Variants in RAB3D observed in about 807,000 individuals in gnomAD.
RAB3D encodes the protein ras-related protein Rab-3D.
Under a neutral mutation model 19.3 loss-of-function variants are expected in RAB3D, and 17 were observed. The ratio of observed to expected loss-of-function variants is 0.88; its 90% CI spans 0.60 to 1.32. The LOEUF (loss-of-function observed/expected upper bound fraction) is 1.32, where lower values mean the gene tolerates loss of function less well. RAB3D is among the 40% of genes most tolerant of loss of function. RAB3D has a pLI of 0.00. For synonymous variants in RAB3D, 103 were observed against 119.9 expected, an observed-to-expected ratio of 0.86 and a Z score of 0.92; for missense variants, 223 against 299.1, an observed-to-expected ratio of 0.75 and a Z score of 1.88.
Position 11,335,445 on chromosome 19 carries a change from AC to A in RAB3D, c.472+1del. 1.2e-6 allele frequency: 2 copies of A among 1,614,042 alleles called. No individual in the cohort carries two copies. Among genetic ancestry groups the A allele is most frequent in the Non-Finnish European group, 8.5e-7 (1 of 1,179,984 alleles). ...GGCCTGTGGCCCAGGCTGGGCACTA[AC>A]CAAGGTCGTCGGCGAGCCTCCGGCC... On this transcript the variant is annotated splice_donor_variant, in intron 4 of 4. Transcript: ENST00000222120. LOFTEE classifies it high-confidence loss of function.
chr19:11,327,735 C>G (rs897579932), intron 4 of RAB3D, among the ~76,000 whole-genome samples: 1 of 152,084 alleles, frequency 6.6e-6, no homozygotes, highest in Non-Finnish European at 1.5e-5. Context: ...GTGGTATGCG[C>G]CTGTAATCCC....
chr19:11,334,793 C>T lies in RAB3D; in HGVS notation c.472+654G>A, dbSNP rs537890666. Among the ~76,000 whole-genome samples the T allele has an allele frequency of 1.8e-3, 271 of 152,134 alleles. 1 individual carries two copies. The highest frequency in any genetic ancestry group is 6.2e-3 in the African/African-American group (259 of 41,512). ...TAAAAAATTAGCTGGGCATGTGGCA[C>T]GCGCCAGTAGTACCAGCTACTTGGG... On this transcript the variant is annotated intron_variant, in intron 4 of 4. Transcript: ENST00000222120.
At position 11,323,353 on chromosome 19, in the gene RAB3D, G is replaced by A. The variant is rs933606664; in HGVS notation, c.*2045C>T. 1.3e-5 allele frequency: 2 copies of A among 152,174 alleles called. No individual in the cohort carries two copies. Among genetic ancestry groups the A allele is most frequent in the South Asian group, 4.1e-4 (2 of 4,832 alleles). The allele number at this position is 152,174 out of a possible 1,614,324, so 9.4% of individuals were successfully genotyped here. On this transcript the variant is annotated 3_prime_UTR_variant, in exon 5 of 5. Coordinates refer to ENST00000222120, the MANE Select transcript of RAB3D (RefSeq NM_004283.4). Reference sequence around the variant, plus strand: ...TCACGCCTGTAATCCCAGCACTTTGGGAGGCCGAAGCAAGTGGATCACTTG... The same window carrying A: ...TCACGCCTGTAATCCCAGCACTTTGAGAGGCCGAAGCAAGTGGATCACTTG...
At chr19:11,326,775 T>C (rs1196596112) in intron 4 of RAB3D, 5 of 696,000 alleles carry the variant, frequency 7.2e-6, no homozygotes, top group South Asian at 6.0e-5. Context: ...GGCTAATTTT[T>C]CAATTTTTTC....
In RAB3D at chr19:11,325,173, CCATG is replaced by C. The variant is rs936118477; in HGVS notation, c.*221_*224del. ...GTCAGTGTCCCTGGGCCTCTGCCTG[CCATG>C]CAGAGCTGAGTCCCCATGGTCCGCA... On this transcript the variant is annotated 3_prime_UTR_variant, in exon 5 of 5. Transcript: ENST00000222120. 4 of 493,026 alleles carry C rather than the reference CCATG, an allele frequency of 8.1e-6. No homozygotes were observed. Among genetic ancestry groups the C allele is most frequent in the Admixed American group, 6.7e-5 (2 of 29,830 alleles). 30.5% of individuals were successfully genotyped at this position (493,026 alleles called of 1,614,324 possible).
intron 2 of RAB3D, 30 bp from the exon 3 acceptor site, chr19:11,335,813 G>T: frequency 6.3e-7 from 1 of 1,593,348 alleles, no homozygotes; most frequent in Non-Finnish European, 8.6e-7. Flanking sequence ...AGTTGGCTGG[G>T]AACTACCTGT....
At position 11,325,580 on chromosome 19, in the gene RAB3D, C is replaced by T. The variant is rs771796812; in HGVS notation, c.478G>A (p.Glu160Lys). 1.1e-5 allele frequency: 18 copies of T among 1,607,350 alleles called. No individual in the cohort carries two copies. Among genetic ancestry groups the T allele is most frequent in the South Asian group, 1.1e-5 (1 of 90,930 alleles). ...GRRLADDLGF[E>K]FFEASAKENI... ...TCCTTGGCACTGGCTTCAAAGAACTCGAAACCTGGATGAATGTTAAGGTGG... is the reference window on the plus strand; with the variant it reads ...TCCTTGGCACTGGCTTCAAAGAACTTGAAACCTGGATGAATGTTAAGGTGG... The change falls in exon 5 of 5, where the codon GAG becomes AAG. Residue 160 changes from glutamate (E) to lysine (K), a missense_variant. Physicochemically the swap from Glu to Lys is moderately conservative, Grantham distance 56. Transcript: ENST00000222120.
rs575231301 is a variant in RAB3D at position 11,324,393 on chromosome 19, A to C, written c.*1005T>G. On this transcript the variant is annotated 3_prime_UTR_variant, in exon 5 of 5. Transcript: ENST00000222120. ...CTCAAGTCGGAGCCCAGGTGCTTAC[A>C]TCAGAAAGTCGCCGACAACTGCCTG... 2 of 152,246 alleles carry C rather than the reference A, an allele frequency of 1.3e-5. No individual in the cohort carries two copies. Among genetic ancestry groups the C allele is most frequent in the African/African-American group, 4.8e-5 (2 of 41,440 alleles). The allele number at this position is 152,246 out of a possible 1,614,324, so 9.4% of individuals were successfully genotyped here. A position where few individuals can be genotyped will look rare whatever the true frequency, so the allele number is the denominator to read the frequency against.
chr19:11,334,655 T>C (rs562452097), intron 4 of RAB3D, among the ~76,000 whole-genome samples: 1 of 151,864 alleles, frequency 6.6e-6, no homozygotes, highest in South Asian at 2.1e-4. Flanking sequence ...CCAGGCATGG[T>C]GCCTCACGCT....
chr19:11,336,476 T>C (rs113729683), intron 2 of RAB3D, among the ~76,000 whole-genome samples: 2,822 of 152,022 alleles, frequency 0.019, 92 homozygotes, highest in African/African-American at 0.065. Context: ...GCTGGGCTAA[T>C]GTTTAAAGTT....
At chr19:11,337,493 T>G in intron 1 of RAB3D, 33 bp from the exon 2 acceptor site, 1 of 971,388 alleles carries the variant, frequency 1.0e-6, no homozygotes, top group Non-Finnish European at 1.6e-6. Flanking sequence ...GAACAGCTCC[T>G]GTGAATGCAC....
chr19:11,334,965 C>T (rs922401113), intron 4 of RAB3D, among the ~76,000 whole-genome samples: 11 of 152,168 alleles, frequency 7.2e-5, no homozygotes, highest in African/African-American at 2.2e-4. Flanking sequence ...TGCAGTGAGC[C>T]GAGATCGCGC....
intron 1 of RAB3D, 43 bp from the exon 2 acceptor site, chr19:11,337,503 C>A: frequency 1.1e-6 from 1 of 894,874 alleles, no homozygotes; most frequent in Non-Finnish European, 1.8e-6. Context: ...TGTGAATGCA[C>A]CAGGCCTGGA....
At chr19:11,330,035 C>T (rs909691968) in intron 4 of RAB3D, among the ~76,000 whole-genome samples, 2 of 152,138 alleles carry the variant, frequency 1.3e-5, no homozygotes, top group South Asian at 2.1e-4. Context: ...CCCTTTACCC[C>T]GAGACCCCAG....
At position 11,325,243 on chromosome 19, in the gene RAB3D, C is replaced by T. The variant is rs111588110; in HGVS notation, c.*155G>A. ...TGCCTGAGGAACCTGGCAGCCACGG[C>T]GACATTGTGAAGGAATGAGCCATGC... On this transcript the variant is annotated 3_prime_UTR_variant, in exon 5 of 5. Coordinates refer to ENST00000222120, the MANE Select transcript of RAB3D (RefSeq NM_004283.4). The T allele has an allele frequency of 3.9e-5, 23 of 593,996 alleles. 1 individual carries two copies. Among genetic ancestry groups the T allele is most frequent in the African/African-American group, 1.7e-4 (9 of 53,674 alleles). 36.8% of individuals were successfully genotyped at this position (593,996 alleles called of 1,614,324 possible).
At chr19:11,326,604 C>A (rs1241638236) in intron 4 of RAB3D, among the ~76,000 whole-genome samples, 1 of 152,162 alleles carries the variant, frequency 6.6e-6, no homozygotes, top group Non-Finnish European at 1.5e-5. Flanking sequence ...GTCACATTTT[C>A]CATTGCTTTT....
intron 4 of RAB3D, among the ~76,000 whole-genome samples, chr19:11,330,387 T>G (rs1276663875): frequency 5.9e-5 from 9 of 152,144 alleles, no homozygotes; most frequent in African/African-American, 2.2e-4. Flanking sequence ...GTGATTACCA[T>G]AAAAATAGCA....
chr19:11,332,883 A>C (rs1437900398), intron 4 of RAB3D, among the ~76,000 whole-genome samples: 2 of 152,116 alleles, frequency 1.3e-5, no homozygotes, highest in Non-Finnish European at 2.9e-5. Flanking sequence ...CTGTGAATCA[A>C]GCTGGCAGAT....
At chr19:11,326,988 A>G (rs1205882089) in intron 4 of RAB3D, 2 of 478,812 alleles carry the variant, frequency 4.2e-6, no homozygotes, top group Non-Finnish European at 7.4e-6. Flanking sequence ...CACCTGCCAC[A>G]TCACCAAGGT....
Sources: gnomAD v4.1 joint callset for allele counts (sites outside exome capture counted in the v4.1 genomes callset) on GRCh38, gnomAD v4.1.1 for gene constraint, MANE v1.5 for transcripts, NCBI Gene and HGNC (gene_info 2026-07-23, HGNC 2026-07-21) for gene names.